Variants in GPR55 observed in about 807,000 individuals in gnomAD.
GPR55 encodes G protein-coupled receptor 55, also known as G-protein coupled receptor 55.
Under a neutral mutation model 7.9 loss-of-function variants are expected in GPR55, and 6 were observed. That is an observed-to-expected ratio of 0.76 (90% CI 0.41 to 1.49). GPR55 has a LOEUF of 1.49. Ranked by LOEUF, GPR55 falls within the 40% of genes most tolerant of loss-of-function variation. GPR55 has a pLI of 0.01. For missense variants in GPR55, 376 were observed against 406.0 expected (o/e 0.93, Z 0.63); for synonymous variants, 183 against 166.8 (o/e 1.10, Z -0.75).
rs1363548582 is a variant in GPR55, at chr2:230,910,356, T to C, written c.607A>G (p.Arg203Gly). 3 of 1,613,860 alleles carry C rather than the reference T, an allele frequency of 1.9e-6. No homozygotes were observed. The highest frequency in any genetic ancestry group is 2.2e-5 in the South Asian group (2 of 91,036). Residue 203 changes from arginine to glycine, a missense_variant, in exon 2 of 2, where the codon AGG (arginine) becomes GGG (glycine). Arg to Gly is a moderately radical substitution (Grantham distance 125, BLOSUM62 -2). Coordinates refer to ENST00000650999, the MANE Select transcript of GPR55 (RefSeq NM_005683.4). The surrounding 1 kb of genome is among the most constrained non-coding windows in gnomAD (Gnocchi z 5.4). Reference sequence around the variant, plus strand: ...CGGCCCAGCAGGATGTGGATGCTCCTGGAGCAGCAGAAGCCCATGATGCCC... The same window carrying C: ...CGGCCCAGCAGGATGTGGATGCTCCCGGAGCAGCAGAAGCCCATGATGCCC... ...PMGIMGFCCS[R>G]SIHILLGRRD...
rs757042106 is a variant in GPR55 at position 230,924,197 on chromosome 2, GT to G, written c.-135+970del. On this transcript the variant is annotated intron_variant, in intron 1 of 1. Transcript: ENST00000650999. The surrounding 1 kb of genome is among the most constrained non-coding windows in gnomAD (Gnocchi z 4.5). ...AAGGTCTTATTGCATGAAAGAGGGG[GT>G]GAAGAAATGACGGAACAAATGGCCA... 1.6e-3 allele frequency among the ~76,000 whole-genome samples: 246 copies of G among 152,316 alleles called. 2 individuals are homozygous for G. Among genetic ancestry groups the G allele is most frequent in the Non-Finnish European group, 2.5e-3 (171 of 68,014 alleles).
chr2:230,931,039 C>T (rs1691030541), intron 1 of GPR55, among the ~76,000 whole-genome samples: 1 of 152,202 alleles, frequency 6.6e-6, no homozygotes, highest in African/African-American at 2.4e-5. Flanking sequence ...CGCCACTCCC[C>T]CGGGAACTGT....
At chr2:230,953,065 C>T (rs79060536) in intron 1 of GPR55, among the ~76,000 whole-genome samples, 3,224 of 152,220 alleles carry the variant, frequency 0.021, 55 homozygotes, top group Non-Finnish European at 0.034. Context: ...AGGAAGCATG[C>T]GCACCCCAGA....
At chr2:230,915,582 T>A (rs1379752207) in intron 1 of GPR55, among the ~76,000 whole-genome samples, 2 of 152,014 alleles carry the variant, frequency 1.3e-5, no homozygotes, top group Non-Finnish European at 2.9e-5. Flanking sequence ...AATTGAACCG[T>A]GGAGTAAATG....
chr2:230,920,707 A>G lies in GPR55; in HGVS notation c.-135+4461T>C. On this transcript the variant is annotated intron_variant, in intron 1 of 1. Transcript: ENST00000650999. ...GCATCAAGAAGTTAAGAACTTAAATATTTTCCAAATTGAATATTTAGGTTA... is the reference window on the plus strand; with the variant it reads ...GCATCAAGAAGTTAAGAACTTAAATGTTTTCCAAATTGAATATTTAGGTTA... 1.3e-5 allele frequency among the ~76,000 whole-genome samples: 2 copies of G among 152,236 alleles called. 1 individual carries two copies. The highest frequency in any genetic ancestry group is 2.9e-5 in the Non-Finnish European group (2 of 68,048).
chr2:230,958,060 A>C (rs1691518652), intron 1 of GPR55: 2 of 264,128 alleles, frequency 7.6e-6, no homozygotes, highest in Non-Finnish European at 1.6e-5. Flanking sequence ...CAAGTAAATA[A>C]AGTTTAAGTT....
chr2:230,922,613 T>C (rs1690864238), intron 1 of GPR55, among the ~76,000 whole-genome samples: 1 of 152,204 alleles, frequency 6.6e-6, no homozygotes, highest in Non-Finnish European at 1.5e-5. Context: ...TTCACTCTTG[T>C]TGCCCAGGCT....
intron 1 of GPR55, among the ~76,000 whole-genome samples, chr2:230,951,044 A>G (rs943582168): frequency 1.2e-4 from 18 of 152,154 alleles, no homozygotes; most frequent in Non-Finnish European, 2.1e-4. Context: ...ATCCTTTAGA[A>G]TCAACGGGCT....
intron 1 of GPR55, among the ~76,000 whole-genome samples, chr2:230,920,523 T>G (rs969594379): frequency 1.3e-5 from 2 of 152,134 alleles, no homozygotes; most frequent in African/African-American, 2.4e-5. Flanking sequence ...AAGTTTCCTC[T>G]GTTCACAGGT....
At chr2:230,952,368 C>T (rs1199160479) in intron 1 of GPR55, among the ~76,000 whole-genome samples, 1 of 152,232 alleles carries the variant, frequency 6.6e-6, no homozygotes, top group Non-Finnish European at 1.5e-5. Context: ...CAGAAGTCAG[C>T]TGGAGCCTGG....
chr2:230,920,092 TTGTGTG>T (rs61504370), intron 1 of GPR55, among the ~76,000 whole-genome samples: 10 of 149,404 alleles, frequency 6.7e-5, no homozygotes, highest in Non-Finnish European at 1.2e-4. Context: ...TCTCTGTCTT[TTGTGTG>T]TGTGTGTGTG....
intron 1 of GPR55, among the ~76,000 whole-genome samples, chr2:230,935,059 G>A (rs1036923256): frequency 1.3e-5 from 2 of 152,224 alleles, no homozygotes; most frequent in South Asian, 4.2e-4. Context: ...AGAGACACAC[G>A]GGTCTCAGAG....
At chr2:230,949,839 AT>A (rs199675549) in intron 1 of GPR55, among the ~76,000 whole-genome samples, 37,713 of 148,002 alleles carry the variant, frequency 0.25, 5,005 homozygotes, top group Non-Finnish European at 0.29. Flanking sequence ...CACTAAATTT[AT>A]TTTTTTTTTT....
chr2:230,959,123 G>A (rs1308012892), intron 1 of GPR55, among the ~76,000 whole-genome samples: 3 of 151,976 alleles, frequency 2.0e-5, no homozygotes, highest in Non-Finnish European at 4.4e-5. Context: ...TCCATTTATC[G>A]AATACTTTGT....
At position 230,910,045 on chromosome 2, in the gene GPR55, C is replaced by T. The variant is rs1328964042; in HGVS notation, c.918G>A (p.Arg306=). Residue 306 remains arginine, a synonymous_variant, in exon 2 of 2, where the codon AGG becomes AGA. Transcript: ENST00000650999. The surrounding 1 kb of genome is among the most constrained non-coding windows in gnomAD (Gnocchi z 5.4). ...RMNIRAHRPS[R]VQLVLQDTTI... ...TGGTGTCCTGCAGGACCAGCTGGAC[C>T]CTGGAAGGCCGGTGGGCCCTGATGT... 6.2e-7 allele frequency: 1 copy of T among 1,613,954 alleles called. No homozygotes were observed. The highest frequency in any genetic ancestry group is 8.5e-7 in the Non-Finnish European group (1 of 1,179,980).
At chr2:230,918,509 G>A (rs1690764142) in intron 1 of GPR55, among the ~76,000 whole-genome samples, 1 of 152,082 alleles carries the variant, frequency 6.6e-6, no homozygotes, top group Non-Finnish European at 1.5e-5. Flanking sequence ...AAATTTTCAA[G>A]CAACAGATAA....
chr2:230,927,038 G>A (rs1406204305), upstream of GPR55, among the ~76,000 whole-genome samples: 1 of 152,034 alleles, frequency 6.6e-6, no homozygotes, highest in African/African-American at 2.4e-5. Flanking sequence ...TATTGCTGTT[G>A]CAATATTAAA....
Position 230,907,823 on chromosome 2 carries a change from G to A in GPR55, c.*2180C>T, listed in dbSNP as rs1314618250. ...CATCGCTGGGGATGATAGTTGGTTA[G>A]GTCCACCCACCCTTGTCTCTTAGGA... On this transcript the variant is annotated 3_prime_UTR_variant, in exon 2 of 2. Transcript: ENST00000650999. 1 of 152,218 alleles carries A rather than the reference G, an allele frequency of 6.6e-6. No individual in the cohort carries two copies. The highest frequency in any genetic ancestry group is 2.4e-5 in the African/African-American group (1 of 41,436). 9.4% of individuals were successfully genotyped at this position (152,218 alleles called of 1,614,324 possible).
At chr2:230,926,766 T>G (rs1470082502), upstream of GPR55, among the ~76,000 whole-genome samples, 2 of 145,750 alleles carry the variant, frequency 1.4e-5, no homozygotes, top group African/African-American at 5.1e-5. Flanking sequence ...CTTGGCTCAC[T>G]GCAACCTCCA....
Sources: allele counts gnomAD v4.1 joint callset (sites outside exome capture counted in the v4.1 genomes callset), GRCh38; gene constraint gnomAD v4.1.1; non-coding constraint Gnocchi (gnomAD v3.1); transcripts MANE v1.5; gene names NCBI Gene and HGNC (gene_info 2026-07-23, HGNC 2026-07-21).